Variants in ST8SIA2 observed in about 807,000 individuals in gnomAD.
ST8SIA2 encodes the protein alpha-2,8-sialyltransferase 8B.
In ST8SIA2, 22 loss-of-function variants were observed where a neutral mutation model predicts 37.6. The observed-to-expected ratio is 0.58, with a 90% CI of 0.42 to 0.83. ST8SIA2 has a LOEUF of 0.83. Ranked by LOEUF, ST8SIA2 falls within the 40% of genes least tolerant of loss-of-function variation. The pLI is 0.00. For missense variants in ST8SIA2, 382 were observed against 484.7 expected, an observed-to-expected ratio of 0.79 and a Z score of 1.99; for synonymous variants, 205 against 201.2, an observed-to-expected ratio of 1.02 and a Z score of -0.16.
intron 3 of ST8SIA2, among the ~76,000 whole-genome samples, chr15:92,434,918 T>A (rs2049745347): frequency 5.4e-5 from 2 of 37,326 alleles, no homozygotes; most frequent in South Asian, 1.8e-3. Flanking sequence ...AGAGGTCTGT[T>A]TAGCCAGAGA....
At chr15:92,394,640 G>C (rs112633918) in intron 1 of ST8SIA2, among the ~76,000 whole-genome samples, 10 of 152,240 alleles carry the variant, frequency 6.6e-5, no homozygotes, top group African/African-American at 2.4e-4. Flanking sequence ...GGCCGGAGCG[G>C]AGGGCGGGGT....
At chr15:92,427,784 G>T (rs1321642885) in intron 1 of ST8SIA2, among the ~76,000 whole-genome samples, 1 of 152,192 alleles carries the variant, frequency 6.6e-6, no homozygotes, top group African/African-American at 2.4e-5. Context: ...GAGAGTTTGA[G>T]ATTAGCCTGA....
intron 1 of ST8SIA2, among the ~76,000 whole-genome samples, chr15:92,399,667 A>G (rs1164968059): frequency 1.3e-5 from 2 of 152,150 alleles, no homozygotes; most frequent in African/African-American, 4.8e-5. Context: ...GCATGATTGG[A>G]AGATAAAATA....
chr15:92,402,849 CAGAGAGAGAGAG>C (rs58104024), intron 1 of ST8SIA2, among the ~76,000 whole-genome samples: 10 of 149,606 alleles, frequency 6.7e-5, no homozygotes, highest in South Asian at 6.4e-4. Flanking sequence ...ATCTCATTAC[CAGAGAGAGAGAG>C]AGAGAGAGAG....
chr15:92,450,848 T>A (rs2049876625), intron 5 of ST8SIA2, among the ~76,000 whole-genome samples: 1 of 152,110 alleles, frequency 6.6e-6, no homozygotes, highest in Non-Finnish European at 1.5e-5. Context: ...TAAACACACA[T>A]ACACACACAC....
At chr15:92,412,602 G>A (rs1301435196) in intron 1 of ST8SIA2, among the ~76,000 whole-genome samples, 2 of 152,238 alleles carry the variant, frequency 1.3e-5, no homozygotes, top group East Asian at 3.9e-4. Context: ...CCACTCCCCA[G>A]TATCCATGCA....
intron 5 of ST8SIA2, among the ~76,000 whole-genome samples, chr15:92,455,660 T>G (rs2037721918): frequency 6.6e-6 from 1 of 152,232 alleles, no homozygotes; most frequent in Admixed American, 6.5e-5. Flanking sequence ...CCATAATTTA[T>G]GTAAGCAGAA....
intron 1 of ST8SIA2, among the ~76,000 whole-genome samples, chr15:92,405,513 A>G (rs1349406731): frequency 2.0e-5 from 3 of 152,254 alleles, no homozygotes; most frequent in African/African-American, 7.2e-5. Flanking sequence ...TGAAACACAC[A>G]CGCGCGCAAG....
chr15:92,457,657 T>C (rs1014273872), intron 5 of ST8SIA2, among the ~76,000 whole-genome samples: 2 of 152,168 alleles, frequency 1.3e-5, no homozygotes, highest in African/African-American at 4.8e-5. Context: ...GCACACAGTC[T>C]CTAAATTGGC....
chr15:92,408,681 A>ATTT (rs1366118996), intron 1 of ST8SIA2, among the ~76,000 whole-genome samples: 1 of 100,054 alleles, frequency 1.0e-5, no homozygotes, highest in Non-Finnish European at 1.9e-5. Context: ...CATTTTTTTT[A>ATTT]TTTATTTATT....
intron 5 of ST8SIA2, among the ~76,000 whole-genome samples, chr15:92,452,086 G>C (rs1356633326): frequency 6.6e-6 from 1 of 152,206 alleles, no homozygotes; most frequent in Non-Finnish European, 1.5e-5. Flanking sequence ...CCCTATATCT[G>C]TCTTTTCAGC....
intron 1 of ST8SIA2, among the ~76,000 whole-genome samples, chr15:92,429,033 G>T (rs2049695966): frequency 6.6e-6 from 1 of 152,130 alleles, no homozygotes; most frequent in East Asian, 1.9e-4. Flanking sequence ...GTGTGGATAG[G>T]CAATAACTCC....
chr15:92,440,048 T>C (rs1049271691), intron 4 of ST8SIA2, among the ~76,000 whole-genome samples: 1 of 152,140 alleles, frequency 6.6e-6, no homozygotes, highest in African/African-American at 2.4e-5. Flanking sequence ...ACACATCCCA[T>C]GAAGTCCTGA....
chr15:92,400,480 C>T (rs1290301805), intron 1 of ST8SIA2, among the ~76,000 whole-genome samples: 1 of 152,176 alleles, frequency 6.6e-6, no homozygotes, highest in African/African-American at 2.4e-5. Flanking sequence ...TCTGGAAGCC[C>T]CCTGCTTTTC....
At chr15:92,441,502 CA>C (rs2141836711) in intron 4 of ST8SIA2, among the ~76,000 whole-genome samples, 1 of 152,082 alleles carries the variant, frequency 6.6e-6, no homozygotes, top group Admixed American at 6.5e-5. Flanking sequence ...AGGCTGAGGA[CA>C]CTGTGTCTAT....
At chr15:92,454,944 A>G (rs2049909932) in intron 5 of ST8SIA2, among the ~76,000 whole-genome samples, 1 of 152,046 alleles carries the variant, frequency 6.6e-6, no homozygotes. Context: ...CCCTGGGTGC[A>G]GACAAGGCCT....
chr15:92,464,048 G>A, intron 5 of ST8SIA2, 52 bp from the exon 6 acceptor site: 8 of 1,508,646 alleles, frequency 5.3e-6, no homozygotes, highest in African/African-American at 1.4e-5. Context: ...TGGAAAGGAT[G>A]ACTCACAGAC....
intron 1 of ST8SIA2, among the ~76,000 whole-genome samples, chr15:92,428,006 C>T (rs951689189): frequency 6.6e-6 from 1 of 152,154 alleles, no homozygotes; most frequent in Non-Finnish European, 1.5e-5. Flanking sequence ...AACAAACAAA[C>T]AAAAATTAAC....
intron 4 of ST8SIA2, among the ~76,000 whole-genome samples, chr15:92,443,837 A>G (rs2049820897): frequency 6.6e-6 from 1 of 152,100 alleles, no homozygotes; most frequent in African/African-American, 2.4e-5. Context: ...GCTTGTGAAA[A>G]ATAGGTATCG....
Sources: allele counts gnomAD v4.1 joint callset (sites outside exome capture counted in the v4.1 genomes callset), GRCh38; gene constraint gnomAD v4.1.1; transcripts MANE v1.5; gene names NCBI Gene and HGNC (gene_info 2026-07-23, HGNC 2026-07-21).